The following KANK4 variants were observed in gnomAD, a reference collection of about 807,000 sequenced individuals.
KANK4 encodes the protein KN motif and ankyrin repeat domain-containing protein 4.
KANK4 carries 50 observed loss-of-function variants against 80.8 expected under a neutral mutation model. The observed-to-expected ratio is 0.62, with a 90% CI of 0.49 to 0.78. The LOEUF is 0.78. Ranked by LOEUF, KANK4 falls within the 30% of genes least tolerant of loss-of-function variation. KANK4 has a pLI of 0.00. For missense variants in KANK4, 1,196 were observed against 1,240.1 expected (o/e 0.96, Z 0.53); for synonymous variants, 465 against 506.9 (o/e 0.92, Z 1.11).
In KANK4 at chr1:62,273,466, C is replaced by T. The variant is rs1672217706; in HGVS notation, c.1638G>A (p.Glu546=). 6.2e-7 allele frequency: 1 copy of T among 1,613,876 alleles called. No homozygotes were observed. The highest frequency in any genetic ancestry group is 8.5e-7 in the Non-Finnish European group (1 of 1,179,936). Residue 546 remains glutamate (E), a synonymous_variant, in exon 3 of 10, where the codon GAG becomes GAA. Coordinates refer to ENST00000371153, the MANE Select transcript of KANK4 (RefSeq NM_181712.5). ...GCGAGCTTGGTGGCCTTCCCGGGTG[C>T]TCCTTCCCTGGGAGATTGGAACTGG... The part of the protein sequence containing the change: ...EETSSNLPGK[E]HPGRPPSSPT...
chr1:62,281,739 C>T (rs1672455665), intron 1 of KANK4, 105 bp from the exon 2 acceptor site: 6 of 760,956 alleles, frequency 7.9e-6, no homozygotes, highest in East Asian at 2.5e-5. Context: ...GCCTTTCTCC[C>T]AGGGTGCCCA....
chr1:62,294,595 T>C (rs929168959), intron 1 of KANK4, among the ~76,000 whole-genome samples: 3 of 152,052 alleles, frequency 2.0e-5, no homozygotes, highest in Non-Finnish European at 2.9e-5. Context: ...AGGCTGCACA[T>C]TCAGGAAAAT....
intron 1 of KANK4, among the ~76,000 whole-genome samples, chr1:62,305,294 G>C (rs4915812): frequency 6.6e-6 from 1 of 151,930 alleles, no homozygotes; most frequent in African/African-American, 2.4e-5. Context: ...TGCAGCTGTT[G>C]ATGAATTGCT....
At chr1:62,310,058 C>A (rs1206277097) in intron 1 of KANK4, among the ~76,000 whole-genome samples, 1 of 152,214 alleles carries the variant, frequency 6.6e-6, no homozygotes, top group African/African-American at 2.4e-5. Context: ...GCAGGCACTA[C>A]AGCAAGGCAA....
intron 1 of KANK4, among the ~76,000 whole-genome samples, chr1:62,295,139 CT>C (rs762883615): frequency 7.6e-6 from 1 of 130,922 alleles, no homozygotes; most frequent in African/African-American, 2.9e-5. Context: ...CTGCTCACAT[CT>C]TTTCTTTTTT....
At chr1:62,268,763 CTG>C (rs1293313766) in intron 4 of KANK4, among the ~76,000 whole-genome samples, 1 of 152,208 alleles carries the variant, frequency 6.6e-6, no homozygotes, top group Non-Finnish European at 1.5e-5. Flanking sequence ...AAATAATTAA[CTG>C]TGCTCATTGC....
chr1:62,248,742 C>T (rs578200615), intron 8 of KANK4, among the ~76,000 whole-genome samples: 1 of 151,228 alleles, frequency 6.6e-6, no homozygotes, highest in South Asian at 2.1e-4. Context: ...ACAGGCTTTC[C>T]CCATGTTGAC....
intron 1 of KANK4, among the ~76,000 whole-genome samples, chr1:62,289,624 G>A (rs543579937): frequency 1.6e-3 from 248 of 152,142 alleles, no homozygotes; most frequent in African/African-American, 5.5e-3. Context: ...AAATACAATG[G>A]TGAAGACAGA....
At chr1:62,267,795 C>T in intron 5 of KANK4, among the ~76,000 whole-genome samples, 1 of 122,640 alleles carries the variant, frequency 8.2e-6, no homozygotes, top group South Asian at 3.3e-4. Context: ...GTGCAAGACT[C>T]CGTCTCAAAA....
chr1:62,236,697 T>C lies in KANK4; in HGVS notation c.*1580A>G, dbSNP rs1443424562. Among the ~76,000 whole-genome samples the C allele has an allele frequency of 6.7e-6, 1 of 149,704 alleles. No individual in the cohort carries two copies. The highest frequency in any genetic ancestry group is 2.0e-4 in the East Asian group (1 of 5,096). ...GAAACCTCCGCCTCCCGGGTTCAAG[T>C]GAGTCTCCTGCCTCAGCCTCCCAAG... On this transcript the variant is annotated 3_prime_UTR_variant, in exon 10 of 10. Transcript: ENST00000371153.
At chr1:62,310,404 G>A (rs1644488891) in intron 1 of KANK4, among the ~76,000 whole-genome samples, 1 of 152,164 alleles carries the variant, frequency 6.6e-6, no homozygotes, top group East Asian at 1.9e-4. Context: ...GGAGAGAGAG[G>A]GAGAAAGCAG....
intron 1 of KANK4, among the ~76,000 whole-genome samples, chr1:62,295,176 T>C (rs1238289406): frequency 6.6e-6 from 1 of 151,966 alleles, no homozygotes; most frequent in Non-Finnish European, 1.5e-5. Flanking sequence ...TTTTGCTCTG[T>C]CGCCCAGGCG....
intron 1 of KANK4, among the ~76,000 whole-genome samples, chr1:62,283,143 G>A (rs1283091019): frequency 6.6e-6 from 1 of 152,314 alleles, no homozygotes; most frequent in East Asian, 1.9e-4. Flanking sequence ...CATGCAGGAG[G>A]CAGTGGCAGG....
chr1:62,275,701 T>C (rs1420364660), intron 2 of KANK4, among the ~76,000 whole-genome samples: 2 of 152,194 alleles, frequency 1.3e-5, no homozygotes, highest in African/African-American at 4.8e-5. Context: ...CAAGTAATCA[T>C]CCATGGCCTA....
At chr1:62,267,317 G>GC (rs397762520) in intron 5 of KANK4, among the ~76,000 whole-genome samples, 1 of 151,838 alleles carries the variant, frequency 6.6e-6, no homozygotes, top group Non-Finnish European at 1.5e-5. Flanking sequence ...TTGAAGCTGG[G>GC]TGTCCACAGT....
chr1:62,270,131 A>G (rs1007397025), intron 4 of KANK4, among the ~76,000 whole-genome samples: 3 of 152,128 alleles, frequency 2.0e-5, no homozygotes, highest in Non-Finnish European at 4.4e-5. Context: ...GGAGGGAGGG[A>G]AGGAACGGCA....
chr1:62,271,386 C>A, intron 4 of KANK4, 92 bp downstream of exon 4: 1 of 859,172 alleles, frequency 1.2e-6, no homozygotes, highest in Non-Finnish European at 2.0e-6. Context: ...GGAATGAAAA[C>A]CAGATGCCTC....
At chr1:62,314,201 A>C (rs1644521044) in intron 1 of KANK4, among the ~76,000 whole-genome samples, 1 of 151,930 alleles carries the variant, frequency 6.6e-6, no homozygotes, top group South Asian at 2.1e-4. Flanking sequence ...TTTAGTAGAG[A>C]TGGGGTTTCT....
chr1:62,294,763 GGTCCA>G (rs1251077661), intron 1 of KANK4, among the ~76,000 whole-genome samples: 1 of 152,188 alleles, frequency 6.6e-6, no homozygotes, highest in Non-Finnish European at 1.5e-5. Context: ...GTGTGATGTG[GGTCCA>G]GCAAAGATGG....
Sources: gnomAD v4.1 joint callset for allele counts (sites outside exome capture counted in the v4.1 genomes callset) on GRCh38, gnomAD v4.1.1 for gene constraint, MANE v1.5 for transcripts, NCBI Gene and HGNC (gene_info 2026-07-23, HGNC 2026-07-21) for gene names.